Variants in SNTG2 observed in about 807,000 individuals in gnomAD.
The protein encoded by SNTG2 is gamma-2-syntrophin.
In SNTG2, 74 loss-of-function variants were observed where a neutral mutation model predicts 70.9. The ratio of observed to expected loss-of-function variants is 1.04; its 90% confidence interval spans 0.86 to 1.27. The LOEUF is 1.27. SNTG2 is among the 50% of genes most tolerant of loss of function. The pLI, the probability that SNTG2 is intolerant of heterozygous loss-of-function variation, is 0.00. For missense variants in SNTG2, 717 were observed against 690.7 expected, an observed-to-expected ratio of 1.04 and a Z score of -0.43; for synonymous variants, 278 against 273.8, an observed-to-expected ratio of 1.02 and a Z score of -0.15.
At chr2:1,146,328 T>C (rs569828319) in intron 6 of SNTG2, among the ~76,000 whole-genome samples, 37 of 152,244 alleles carry the variant, frequency 2.4e-4, no homozygotes, top group African/African-American at 8.7e-4. Context: ...ATAAATTACT[T>C]AGGTGTAAAT....
At chr2:971,968 AT>A (rs201935736) in intron 1 of SNTG2, among the ~76,000 whole-genome samples, 1,801 of 151,486 alleles carry the variant, frequency 0.012, 30 homozygotes, top group African/African-American at 0.041. Context: ...GTTTTGAGTG[AT>A]TTTCTTGTTA....
In SNTG2 at chr2:1,003,009, G is replaced by T. The variant is rs371107384; in HGVS notation, c.72+51941G>T. ...ATTAACTCAGAAACAGCCAAATCCT[G>T]CATGTCCCTGCATGTTTCCACTTCC... On this transcript the variant is annotated intron_variant, in intron 1 of 16. Transcript: ENST00000308624. Among the ~76,000 whole-genome samples, 5 of 152,172 alleles carry T rather than the reference G, an allele frequency of 3.3e-5. No individual in the cohort carries two copies. In the East Asian group the frequency reaches 5.8e-4, roughly 18 times the overall value.
chr2:1,338,624 T>C (rs1659934222), intron 16 of SNTG2, among the ~76,000 whole-genome samples: 1 of 152,210 alleles, frequency 6.6e-6, no homozygotes, highest in South Asian at 2.1e-4. Flanking sequence ...AATAGTAGAA[T>C]AGATTACCTT....
intron 1 of SNTG2, among the ~76,000 whole-genome samples, chr2:1,035,301 C>A (rs1661068479): frequency 6.6e-6 from 1 of 152,192 alleles, no homozygotes; most frequent in Non-Finnish European, 1.5e-5. Flanking sequence ...GAGTGGAATT[C>A]TGTTGCCCTG....
At chr2:1,005,405 G>T (rs1181552571) in intron 1 of SNTG2, among the ~76,000 whole-genome samples, 1 of 151,960 alleles carries the variant, frequency 6.6e-6, no homozygotes, top group Non-Finnish European at 1.5e-5. Flanking sequence ...AAGGGGCTGT[G>T]CACATGTGGG....
At chr2:1,254,593 G>T (rs1181619641) in intron 12 of SNTG2, among the ~76,000 whole-genome samples, 1 of 152,118 alleles carries the variant, frequency 6.6e-6, no homozygotes, top group East Asian at 1.9e-4. Flanking sequence ...TTCAAATGAA[G>T]ATTTGTAGAT....
rs1463368712 is a variant in SNTG2, at chr2:1,366,417, G to A, written c.1489-926G>A. Among the ~76,000 whole-genome samples the A allele has an allele frequency of 3.9e-5, 6 of 152,136 alleles. No individual in the cohort carries two copies. In the East Asian group the frequency reaches 1.2e-3, roughly 29 times the overall value. ...GGGGTTCACTGTGGACTTTTCTGTTGATTTGACACAGGGACTTTATGTGGG... is the reference window on the plus strand; with the variant it reads ...GGGGTTCACTGTGGACTTTTCTGTTAATTTGACACAGGGACTTTATGTGGG... On this transcript the variant is annotated intron_variant, in intron 16 of 16. Transcript: ENST00000308624.
rs1352096896 is a variant in SNTG2 at position 951,401 on chromosome 2, C to CCGG, written c.72+334_72+335insGGC. On this transcript the variant is annotated intron_variant, in intron 1 of 16. Coordinates refer to ENST00000308624, the MANE Select transcript of SNTG2 (RefSeq NM_018968.4). The stretch of plus-strand genomic sequence containing the variant: ...TCCAGAATTTGGGATTTGAGATTGG[C>CCGG]CCGGCATTGCTTCCCAGGAGCGGCT... Among the ~76,000 whole-genome samples, 11 of 152,326 alleles carry CCGG rather than the reference C, an allele frequency of 7.2e-5. No homozygotes were observed. In the East Asian group the frequency reaches 2.1e-3, roughly 30 times the overall value.
At chr2:1,104,514 A>G (rs1665989603) in intron 4 of SNTG2, among the ~76,000 whole-genome samples, 2 of 152,338 alleles carry the variant, frequency 1.3e-5, no homozygotes, top group South Asian at 2.1e-4. Context: ...TGTTAAGTCA[A>G]TAGACTTCTA....
intron 1 of SNTG2, among the ~76,000 whole-genome samples, chr2:1,038,944 A>C (rs971546156): frequency 6.6e-6 from 1 of 152,116 alleles, no homozygotes; most frequent in Admixed American, 6.5e-5. Context: ...TTATGCTTCT[A>C]CCTTTTTTAT....
chr2:1,297,038 G>A (rs3922642), intron 14 of SNTG2, among the ~76,000 whole-genome samples: 15,549 of 152,188 alleles, frequency 0.1, 888 homozygotes, highest in South Asian at 0.19. Flanking sequence ...TATGTGCTGG[G>A]GATGTTTCAG....
At chr2:1,206,409 T>A (rs28735269) in intron 8 of SNTG2, among the ~76,000 whole-genome samples, 49,299 of 151,974 alleles carry the variant, frequency 0.32, 8,541 homozygotes, top group East Asian at 0.66. Flanking sequence ...AGCAAAGAGC[T>A]GGGTGTGCTG....
At chr2:1,356,212 T>C (rs1165493930) in intron 16 of SNTG2, among the ~76,000 whole-genome samples, 1 of 152,206 alleles carries the variant, frequency 6.6e-6, no homozygotes, top group Non-Finnish European at 1.5e-5. Flanking sequence ...ATGTCTACTT[T>C]TGCTTTTGTT....
At chr2:1,054,590 C>T (rs569012883) in intron 1 of SNTG2, among the ~76,000 whole-genome samples, 30 of 152,244 alleles carry the variant, frequency 2.0e-4, no homozygotes, top group African/African-American at 7.2e-4. Context: ...CCTGTGAACC[C>T]CACAGAGCCG....
chr2:1,175,114 G>T (rs28507753), intron 8 of SNTG2, among the ~76,000 whole-genome samples: 2,348 of 152,188 alleles, frequency 0.015, 66 homozygotes, highest in African/African-American at 0.054. Flanking sequence ...TTTCACATTA[G>T]ATCTCTAAAT....
At chr2:1,043,770 G>A (rs1311033256) in intron 1 of SNTG2, among the ~76,000 whole-genome samples, 1 of 152,098 alleles carries the variant, frequency 6.6e-6, no homozygotes, top group Non-Finnish European at 1.5e-5. Flanking sequence ...CCATTGGTCT[G>A]TGTGTCTGTT....
intron 1 of SNTG2, among the ~76,000 whole-genome samples, chr2:959,800 A>T (rs111767215): frequency 0.019 from 2,942 of 151,022 alleles, 87 homozygotes; most frequent in African/African-American, 0.068. Flanking sequence ...GAGTAAATAC[A>T]TTTCCTTTAT....
Position 1,148,758 on chromosome 2 carries a change from A to C in SNTG2, c.411+10949A>C, listed in dbSNP as rs67483150. On this transcript the variant is annotated intron_variant, in intron 6 of 16. Transcript: ENST00000308624. The stretch of plus-strand genomic sequence containing the variant: ...CCCTTTGGATGTTCTTCCAAGCCGG[A>C]CCCACATAGAGGGGCTTTCAAGAGT... Among the ~76,000 whole-genome samples, 3 of 152,050 alleles carry C rather than the reference A, an allele frequency of 2.0e-5. No homozygotes were observed. The East Asian group carries it at 5.8e-4, about 30-fold the overall frequency.
At chr2:1,303,547 C>G (rs1229668952) in intron 14 of SNTG2, among the ~76,000 whole-genome samples, 2 of 152,120 alleles carry the variant, frequency 1.3e-5, no homozygotes, top group Non-Finnish European at 2.9e-5. Flanking sequence ...GAGGAAAGGT[C>G]TAAAAACTGT....
Sources: allele counts gnomAD v4.1 joint callset (sites outside exome capture counted in the v4.1 genomes callset), GRCh38; gene constraint gnomAD v4.1.1; transcripts MANE v1.5; gene names NCBI Gene and HGNC (gene_info 2026-07-23, HGNC 2026-07-21).